SYCP1: variants seen among roughly 807,000 people sequenced by gnomAD.
The protein encoded by SYCP1 is cancer/testis antigen 8.
Under a neutral mutation model 153.1 loss-of-function variants are expected in SYCP1, and 64 were observed. The observed-to-expected ratio is 0.42, with a 90% CI of 0.34 to 0.51. The LOEUF (loss-of-function observed/expected upper bound fraction) is 0.51. Among genes scored for constraint, SYCP1 ranks in the 20% least tolerant of loss-of-function variants. The pLI is 0.06. For missense variants in SYCP1, 997 were observed against 1,049.0 expected (o/e 0.95, Z 0.68); for synonymous variants, 384 against 341.8 (o/e 1.12, Z -1.36).
At chr1:114,892,323 G>C (rs954069077) in intron 15 of SYCP1, among the ~76,000 whole-genome samples, 7 of 152,176 alleles carry the variant, frequency 4.6e-5, no homozygotes, top group African/African-American at 1.7e-4. Flanking sequence ...CCTGCCCTTA[G>C]AGCATGTGCA....
chr1:114,881,637 G>A (rs753588364), intron 12 of SYCP1, among the ~76,000 whole-genome samples: 6 of 151,782 alleles, frequency 4.0e-5, no homozygotes, highest in Non-Finnish European at 8.8e-5. Context: ...TGAGTAGCTG[G>A]GATACAGGCA....
chr1:114,970,783 G>A (rs371104105), intron 27 of SYCP1, among the ~76,000 whole-genome samples: 1 of 152,172 alleles, frequency 6.6e-6, no homozygotes, highest in Non-Finnish European at 1.5e-5. Context: ...TCTCTCAGCC[G>A]TGGCTACCAG....
intron 23 of SYCP1, among the ~76,000 whole-genome samples, chr1:114,933,944 C>T (rs901046122): frequency 2.0e-5 from 3 of 152,116 alleles, no homozygotes; most frequent in African/African-American, 4.8e-5. Flanking sequence ...ATTGGTGTAC[C>T]TGAAAGTGAT....
chr1:114,884,944 T>C (rs1666195970), intron 12 of SYCP1, among the ~76,000 whole-genome samples: 1 of 152,168 alleles, frequency 6.6e-6, no homozygotes, highest in Non-Finnish European at 1.5e-5. Context: ...TGAGACTTAG[T>C]ATTTATTAAA....
chr1:114,909,908 A>T (rs1668070628), intron 16 of SYCP1, among the ~76,000 whole-genome samples: 1 of 152,190 alleles, frequency 6.6e-6, no homozygotes, highest in Non-Finnish European at 1.5e-5. Flanking sequence ...TTTCTTCTGC[A>T]CTATTGCTAG....
chr1:114,939,553 A>T (rs1228001027), intron 23 of SYCP1, among the ~76,000 whole-genome samples: 2 of 152,186 alleles, frequency 1.3e-5, no homozygotes, highest in Non-Finnish European at 2.9e-5. Context: ...TATGTTTGTC[A>T]TGATTTCATT....
intron 8 of SYCP1, among the ~76,000 whole-genome samples, chr1:114,862,602 G>A (rs1664455275): frequency 1.3e-5 from 2 of 151,966 alleles, no homozygotes; most frequent in South Asian, 4.1e-4. Flanking sequence ...GCCTCCCAAA[G>A]TGCTGGGATT....
chr1:114,891,795 G>A (rs1217200725), intron 15 of SYCP1, among the ~76,000 whole-genome samples: 1 of 152,156 alleles, frequency 6.6e-6, no homozygotes, highest in Non-Finnish European at 1.5e-5. Context: ...CTAAGGCTTA[G>A]ATGTTTATTC....
At chr1:114,970,056 C>T (rs1672380219) in intron 27 of SYCP1, among the ~76,000 whole-genome samples, 1 of 152,178 alleles carries the variant, frequency 6.6e-6, no homozygotes, top group African/African-American at 2.4e-5. Context: ...GCATTGGTCT[C>T]ACTGGGAGCT....
intron 9 of SYCP1, among the ~76,000 whole-genome samples, chr1:114,875,223 C>T (rs1247106096): frequency 6.9e-6 from 1 of 145,588 alleles, no homozygotes; most frequent in Non-Finnish European, 1.5e-5. Context: ...CTTTTTTACA[C>T]TTTATTGTAA....
chr1:114,902,368 G>C (rs1667523087), intron 16 of SYCP1, among the ~76,000 whole-genome samples: 1 of 152,100 alleles, frequency 6.6e-6, no homozygotes. Context: ...GGAAAAACCG[G>C]GTTCTTGTCG....
chr1:114,867,248 C>T (rs1664817045), intron 8 of SYCP1, among the ~76,000 whole-genome samples: 1 of 152,020 alleles, frequency 6.6e-6, no homozygotes, highest in Non-Finnish European at 1.5e-5. Flanking sequence ...TCTTTTGCCT[C>T]ACCATATAAA....
At chr1:114,953,332 C>T (rs1557829555) in intron 27 of SYCP1, among the ~76,000 whole-genome samples, 1 of 152,104 alleles carries the variant, frequency 6.6e-6, no homozygotes, top group African/African-American at 2.4e-5. Context: ...ATTTTAATTT[C>T]TCAGTTTTTC....
At chr1:114,953,584 C>T (rs1028462076) in intron 27 of SYCP1, among the ~76,000 whole-genome samples, 1 of 152,178 alleles carries the variant, frequency 6.6e-6, no homozygotes, top group Non-Finnish European at 1.5e-5. Flanking sequence ...GAATTACTTT[C>T]AAACTTTTGT....
intron 30 of SYCP1, among the ~76,000 whole-genome samples, chr1:114,990,129 A>C (rs1673823667): frequency 6.6e-6 from 1 of 152,006 alleles, no homozygotes; most frequent in African/African-American, 2.4e-5. Context: ...AAGGATAGAC[A>C]TTACACAAGA....
At chr1:114,883,655 T>C (rs2101531828) in intron 12 of SYCP1, among the ~76,000 whole-genome samples, 1 of 152,334 alleles carries the variant, frequency 6.6e-6, no homozygotes, top group Non-Finnish European at 1.5e-5. Context: ...TTATGATTTT[T>C]CAGAGGAGAC....
chr1:114,992,220 A>G (rs980786393), intron 30 of SYCP1, among the ~76,000 whole-genome samples: 1 of 151,798 alleles, frequency 6.6e-6, no homozygotes, highest in Non-Finnish European at 1.5e-5. Context: ...TTAAGATGTC[A>G]GTGGTACCCA....
chr1:114,900,113 A>G (rs1266641932), intron 16 of SYCP1, among the ~76,000 whole-genome samples: 1 of 152,238 alleles, frequency 6.6e-6, no homozygotes, highest in Non-Finnish European at 1.5e-5. Context: ...ATTTACAGAA[A>G]AACCCTATAA....
At chr1:114,990,732 C>G (rs1380409906) in intron 30 of SYCP1, among the ~76,000 whole-genome samples, 1 of 151,952 alleles carries the variant, frequency 6.6e-6, no homozygotes, top group African/African-American at 2.4e-5. Flanking sequence ...TTATAACTCA[C>G]AAATTCCTTA....
Sources: gnomAD v4.1 joint callset for allele counts (sites outside exome capture counted in the v4.1 genomes callset) on GRCh38, gnomAD v4.1.1 for gene constraint, MANE v1.5 for transcripts, NCBI Gene and HGNC (gene_info 2026-07-23, HGNC 2026-07-21) for gene names.